ZC3H7B: variants seen among roughly 807,000 people sequenced by gnomAD.
The protein encoded by ZC3H7B is zinc finger CCCH domain-containing protein 7B.
ZC3H7B carries 35 observed loss-of-function variants against 116.0 expected under a neutral mutation model. That is an observed-to-expected ratio of 0.30 (90% CI 0.23 to 0.40). The LOEUF (loss-of-function observed/expected upper bound fraction) is 0.40, where lower values mean the gene tolerates loss of function less well. Ranked by LOEUF, ZC3H7B falls within the 10% of genes least tolerant of loss-of-function variation. ZC3H7B has a pLI of 1.00. For missense variants in ZC3H7B, 1,011 were observed against 1,321.5 expected, an observed-to-expected ratio of 0.77 and a Z score of 3.64; for synonymous variants, 502 against 545.6, an observed-to-expected ratio of 0.92 and a Z score of 1.11.
intron 10 of ZC3H7B, among the ~76,000 whole-genome samples, chr22:41,340,498 G>GCAC (rs2036507940): frequency 6.6e-6 from 1 of 152,092 alleles, no homozygotes; most frequent in Admixed American, 6.5e-5. Context: ...GCCTCCCACT[G>GCAC]CACCACTCTG....
At chr22:41,340,551 G>T (rs939302577) in intron 10 of ZC3H7B, among the ~76,000 whole-genome samples, 2 of 152,144 alleles carry the variant, frequency 1.3e-5, no homozygotes, top group Non-Finnish European at 2.9e-5. Flanking sequence ...TCTTGTCTGG[G>T]CGCTGGTGGG....
At chr22:41,325,650 G>A in intron 3 of ZC3H7B, 53 bp downstream of exon 3, 2 of 1,608,858 alleles carry the variant, frequency 1.2e-6, no homozygotes, top group Non-Finnish European at 1.7e-6. Flanking sequence ...ATGTGCAGGG[G>A]AGAGGCGTGG....
At position 41,338,176 on chromosome 22, in the gene ZC3H7B, G is replaced by C; in HGVS notation, c.583-137G>C. On this transcript the variant is annotated intron_variant, in intron 7 of 22. Transcript: ENST00000352645. This position sits in a 1 kb window ranked among gnomAD's most constrained non-coding sequence, Gnocchi z 4.5. ...AGCCACCACGCCTGGCCGCATGTGA[G>C]GGCTTTAATCTCCCCTGGCACTCTA... 1.1e-6 allele frequency: 1 copy of C among 870,190 alleles called. No homozygotes were observed. Among genetic ancestry groups the C allele is most frequent in the Admixed American group, 2.6e-5 (1 of 37,810 alleles). 53.9% of individuals were successfully genotyped at this position (870,190 alleles called of 1,614,324 possible).
intron 13 of ZC3H7B, among the ~76,000 whole-genome samples, 200 bp from the exon 14 acceptor site, chr22:41,345,803 G>A (rs1299812516): frequency 1.3e-5 from 2 of 152,058 alleles, no homozygotes; most frequent in Non-Finnish European, 2.9e-5. Context: ...AGGGGGCCTG[G>A]TATTTGGAAA....
chr22:41,331,082 C>T (rs1400505215), intron 6 of ZC3H7B, among the ~76,000 whole-genome samples: 3 of 141,264 alleles, frequency 2.1e-5, no homozygotes, highest in African/African-American at 7.7e-5. Flanking sequence ...TGGTCTCGAT[C>T]TCCTGACCTC....
rs1190018312 is a variant in ZC3H7B at position 41,343,172 on chromosome 22, C to CA, written c.1298-235dup. 4.6e-5 allele frequency among the ~76,000 whole-genome samples: 7 copies of CA among 151,580 alleles called. No individual in the cohort carries two copies. The East Asian group carries it at 5.8e-4, about 13-fold the overall frequency. Reference sequence around the variant, plus strand: ...TGGGTGACTGAGTGAGACTCTGTCTCAAAAAAAAGGAGGGGGGATGGGTGC... The same window carrying CA: ...TGGGTGACTGAGTGAGACTCTGTCTCAAAAAAAAAGGAGGGGGGATGGGTGC... On this transcript the variant is annotated intron_variant, in intron 12 of 22. Coordinates refer to ENST00000352645, the MANE Select transcript of ZC3H7B (RefSeq NM_017590.6).
chr22:41,357,500 G>T lies in ZC3H7B; in HGVS notation c.*71G>T. On this transcript the variant is annotated 3_prime_UTR_variant, in exon 23 of 23. Coordinates refer to ENST00000352645, the MANE Select transcript of ZC3H7B (RefSeq NM_017590.6). The surrounding 1 kb of genome is among the most constrained non-coding windows in gnomAD (Gnocchi z 5.4). ...GTGGGGCCAGAAGGCCTGATAGAAG[G>T]GTCAGGGCAGGCCAGGGGGGTGGGG... 7.4e-7 allele frequency: 1 copy of T among 1,346,382 alleles called. No individual in the cohort carries two copies. The highest frequency in any genetic ancestry group is 1.0e-6 in the Non-Finnish European group (1 of 983,554). The allele number at this position is 1,346,382 out of a possible 1,614,324, so 83.4% of individuals were successfully genotyped here.
Position 41,351,748 on chromosome 22 carries a change from G to C in ZC3H7B, c.2034+102G>C. 1 of 1,086,450 alleles carries C rather than the reference G, an allele frequency of 9.2e-7. No homozygotes were observed. Among genetic ancestry groups the C allele is most frequent in the Admixed American group, 2.4e-5 (1 of 41,842 alleles). 67.3% of individuals were successfully genotyped at this position (1,086,450 alleles called of 1,614,324 possible). A position where few individuals can be genotyped will look rare whatever the true frequency, so the allele number is the denominator to read the frequency against. ...TTACAATAGAGAAATGTTTACAATG[G>C]AGGCACCTCGAATAAGTTATGAAAG... On this transcript the variant is annotated intron_variant, in intron 17 of 22. Coordinates refer to ENST00000352645, the MANE Select transcript of ZC3H7B (RefSeq NM_017590.6). The surrounding 1 kb of genome is among the most constrained non-coding windows in gnomAD (Gnocchi z 5.1).
At chr22:41,339,514 T>C (rs1188381913) in intron 9 of ZC3H7B, among the ~76,000 whole-genome samples, 1 of 151,142 alleles carries the variant, frequency 6.6e-6, no homozygotes, top group Non-Finnish European at 1.5e-5. Context: ...TGGTCTCAGC[T>C]CCTCAGGAGG....
chr22:41,314,478 G>A (rs115439492), intron 1 of ZC3H7B, among the ~76,000 whole-genome samples: 2,716 of 152,116 alleles, frequency 0.018, 98 homozygotes, highest in African/African-American at 0.062. Context: ...TTTGGGATAA[G>A]GGTCTCACTG....
chr22:41,336,384 C>G (rs988479804), intron 7 of ZC3H7B: 1 of 152,140 alleles, frequency 6.6e-6, no homozygotes, highest in Non-Finnish European at 1.5e-5. Context: ...CAAAAATTAG[C>G]TGGGCGCGGT....
intron 12 of ZC3H7B, 60 bp downstream of exon 12, chr22:41,342,688 T>C: frequency 1.4e-6 from 2 of 1,462,636 alleles, no homozygotes; most frequent in Non-Finnish European, 1.9e-6. Flanking sequence ...CTCAGGAACA[T>C]GGGATCCCAG....
rs1601795445 is a variant in ZC3H7B, at chr22:41,351,589, G to A, written c.1977G>A (p.Glu659=). 1.2e-6 allele frequency: 2 copies of A among 1,614,018 alleles called. No homozygotes were observed. Among genetic ancestry groups the A allele is most frequent in the African/African-American group, 1.3e-5 (1 of 75,028 alleles). The change falls in exon 17 of 23, where the codon GAG becomes GAA. Residue 659 remains glutamate, a synonymous_variant. Transcript: ENST00000352645. The surrounding 1 kb of genome is among the most constrained non-coding windows in gnomAD (Gnocchi z 5.1). ...TGACCCACGAAGACATCGTTCAGGA[G>A]TCTAAGAAGTACTGGCAGCAGATGG... The part of the protein sequence containing the change: ...SGMTHEDIVQ[E]SKKYWQQMEA...
rs745380533 is a variant in ZC3H7B at position 41,343,552 on chromosome 22, G to A, written c.1435G>A (p.Val479Met). 13 of 1,610,654 alleles carry A rather than the reference G, an allele frequency of 8.1e-6. No individual in the cohort carries two copies. Among genetic ancestry groups the A allele is most frequent in the Admixed American group, 3.3e-5 (2 of 59,840 alleles). ...GCCCCGGCCCACTAAGACCAGCTTC[G>A]TGGGCTCCTACTACCTGTGCAAAGG... ...IRPRPTKTSF[V>M]GSYYLCKDMI... is the part of the protein sequence containing the mutation. Residue 479 changes from valine (V) to methionine (M), a missense_variant, in exon 13 of 23, where the codon GTG (valine) becomes ATG (methionine). Physicochemically the swap from Val to Met is conservative, Grantham distance 21. Coordinates refer to ENST00000352645, the MANE Select transcript of ZC3H7B (RefSeq NM_017590.6).
rs1160598984 is a variant in ZC3H7B at position 41,323,135 on chromosome 22, C to T, written c.53+2422C>T. Among the ~76,000 whole-genome samples, 7 of 152,172 alleles carry T rather than the reference C, an allele frequency of 4.6e-5. 1 individual carries two copies. Among genetic ancestry groups the T allele is most frequent in the Admixed American group, 3.3e-4 (5 of 15,268 alleles). On this transcript the variant is annotated intron_variant, in intron 2 of 22. Coordinates refer to ENST00000352645, the MANE Select transcript of ZC3H7B (RefSeq NM_017590.6). ...GATTTGATTAGGGGTTTTGGGTGCA[C>T]CTAGAGCATGGCCCCAAGTTCAGCA...
Position 41,302,595 on chromosome 22 carries a change from G to A in ZC3H7B, c.-7+823G>A, listed in dbSNP as rs1261539176. 6.6e-6 allele frequency among the ~76,000 whole-genome samples: 1 copy of A among 152,174 alleles called. No individual in the cohort carries two copies. Among genetic ancestry groups the A allele is most frequent in the African/African-American group, 2.4e-5 (1 of 41,452 alleles). ...GCCTCATACCCCCATCCTGCCCGCT[G>A]CGAACCTCAGGGCCCCCCTCCGGGT... On this transcript the variant is annotated intron_variant, in intron 1 of 22. Transcript: ENST00000352645. This position sits in a 1 kb window ranked among gnomAD's most constrained non-coding sequence, Gnocchi z 5.7.
chr22:41,337,433 C>T (rs2036461277), intron 7 of ZC3H7B, among the ~76,000 whole-genome samples: 1 of 152,152 alleles, frequency 6.6e-6, no homozygotes, highest in Non-Finnish European at 1.5e-5. Flanking sequence ...CCTTCCCCAG[C>T]GGTGAGTGAA....
In ZC3H7B at chr22:41,346,260, TG is replaced by T; in HGVS notation, c.1665+56del. On this transcript the variant is annotated intron_variant, in intron 14 of 22. Coordinates refer to ENST00000352645, the MANE Select transcript of ZC3H7B (RefSeq NM_017590.6). The surrounding 1 kb of genome is among the most constrained non-coding windows in gnomAD (Gnocchi z 5.3). The stretch of plus-strand genomic sequence containing the variant: ...CCATAGGCCATGGCACAGACAGGGC[TG>T]GGGATGCTCCCTGGCACGGACCACC... 1 of 1,585,306 alleles carries T rather than the reference TG, an allele frequency of 6.3e-7. No individual in the cohort carries two copies.
intron 18 of ZC3H7B, 41 bp downstream of exon 18, chr22:41,355,643 CACCCT>C (rs1569244810): frequency 6.2e-7 from 1 of 1,612,762 alleles, no homozygotes; most frequent in Non-Finnish European, 8.5e-7. Context: ...GGGATGGGGC[CACCCT>C]ACCACCACAG....
Sources: gnomAD v4.1 joint callset for allele counts (sites outside exome capture counted in the v4.1 genomes callset) on GRCh38, gnomAD v4.1.1 for gene constraint, Gnocchi (gnomAD v3.1) non-coding constraint, MANE v1.5 for transcripts, NCBI Gene and HGNC (gene_info 2026-07-23, HGNC 2026-07-21) for gene names.